The following TRERF1 variants were observed in gnomAD, a reference collection of about 807,000 sequenced individuals.
TRERF1 encodes transcriptional regulating factor 1, also known as transcriptional-regulating factor 1.
In TRERF1, 27 loss-of-function variants were observed where a neutral mutation model predicts 122.9. That is an observed-to-expected ratio of 0.22 (90% CI 0.16 to 0.30). The LOEUF (loss-of-function observed/expected upper bound fraction) is 0.30, where lower values mean the gene tolerates loss of function less well. Among genes scored for constraint, TRERF1 ranks in the 10% least tolerant of loss-of-function variants. The pLI, the probability that TRERF1 is intolerant of heterozygous loss-of-function variation, is 1.00. For missense variants in TRERF1, 1,248 were observed against 1,560.3 expected, an observed-to-expected ratio of 0.80 and a Z score of 3.37; for synonymous variants, 636 against 641.7, an observed-to-expected ratio of 0.99 and a Z score of 0.13.
chr6:42,333,436 G>A (rs547267641), intron 3 of TRERF1, among the ~76,000 whole-genome samples: 36 of 152,278 alleles, frequency 2.4e-4, no homozygotes, highest in African/African-American at 7.2e-4. Flanking sequence ...CAAAGGACCC[G>A]GAACGTTGTC....
chr6:42,318,217 C>T (rs1266714026), intron 3 of TRERF1, among the ~76,000 whole-genome samples: 5 of 151,884 alleles, frequency 3.3e-5, no homozygotes, highest in Non-Finnish European at 2.9e-5. Flanking sequence ...TCCACTCTAA[C>T]GCTACAAGAA....
At chr6:42,363,509 T>C (rs972592271) in intron 2 of TRERF1, among the ~76,000 whole-genome samples, 1 of 152,022 alleles carries the variant, frequency 6.6e-6, no homozygotes, top group African/African-American at 2.4e-5. Context: ...GTCCCACTCC[T>C]CCCCTCACCT....
At chr6:42,428,144 C>G (rs539593192) in intron 2 of TRERF1, among the ~76,000 whole-genome samples, 1 of 152,190 alleles carries the variant, frequency 6.6e-6, no homozygotes, top group South Asian at 2.1e-4. Context: ...GCCTTATATT[C>G]TAAGCAACTA....
chr6:42,301,250 G>C (rs981712920), intron 3 of TRERF1, among the ~76,000 whole-genome samples: 1 of 151,940 alleles, frequency 6.6e-6, no homozygotes, highest in Non-Finnish European at 1.5e-5. Flanking sequence ...TTTTTTCTGA[G>C]ACAGAGTCTC....
chr6:42,425,170 G>A (rs781701687), intron 2 of TRERF1, among the ~76,000 whole-genome samples: 4 of 152,142 alleles, frequency 2.6e-5, no homozygotes, highest in Admixed American at 6.5e-5. Context: ...GAACTGGAGC[G>A]ATTAGCCATG....
intron 3 of TRERF1, among the ~76,000 whole-genome samples, chr6:42,333,863 C>T (rs1765659267): frequency 6.6e-6 from 1 of 152,160 alleles, no homozygotes; most frequent in African/African-American, 2.4e-5. Context: ...CCAACGGCCA[C>T]ATCCGACCAC....
intron 15 of TRERF1, among the ~76,000 whole-genome samples, chr6:42,241,134 T>A (rs2149576162): frequency 6.6e-6 from 1 of 152,310 alleles, no homozygotes. Flanking sequence ...TCCACCTACC[T>A]TGGCCTCCCA....
At chr6:42,441,679 A>G (rs1012947153) in intron 2 of TRERF1, among the ~76,000 whole-genome samples, 3 of 152,164 alleles carry the variant, frequency 2.0e-5, no homozygotes, top group Non-Finnish European at 4.4e-5. Flanking sequence ...AAAAAAAGAA[A>G]AGAAAAACCC....
At chr6:42,303,074 G>A (rs942127352) in intron 3 of TRERF1, among the ~76,000 whole-genome samples, 3 of 152,202 alleles carry the variant, frequency 2.0e-5, no homozygotes, top group African/African-American at 7.2e-5. Flanking sequence ...TTATTGGCTG[G>A]AGTTAAGGGA....
At chr6:42,382,506 G>A (rs1478753067) in intron 2 of TRERF1, among the ~76,000 whole-genome samples, 1 of 151,090 alleles carries the variant, frequency 6.6e-6, no homozygotes, top group Non-Finnish European at 1.5e-5. Flanking sequence ...TGAAAAGTTA[G>A]GACACAGGGT....
intron 16 of TRERF1, among the ~76,000 whole-genome samples, chr6:42,234,867 T>C (rs16895432): frequency 0.043 from 6,601 of 152,262 alleles, 496 homozygotes; most frequent in African/African-American, 0.15. Context: ...TTCCATTTGG[T>C]ACACAACTTA....
chr6:42,347,245 A>G (rs1412424438), intron 3 of TRERF1, among the ~76,000 whole-genome samples: 1 of 152,068 alleles, frequency 6.6e-6, no homozygotes, highest in Admixed American at 6.5e-5. Context: ...GTTCCCACCC[A>G]CCTCTCCCAA....
intron 2 of TRERF1, among the ~76,000 whole-genome samples, chr6:42,444,096 A>G (rs1787033175): frequency 6.8e-6 from 1 of 146,172 alleles, no homozygotes; most frequent in South Asian, 2.2e-4. Flanking sequence ...TCCCATGCAG[A>G]CCCCATGGCT....
intron 15 of TRERF1, among the ~76,000 whole-genome samples, chr6:42,241,597 GA>G (rs1431824153): frequency 6.6e-6 from 1 of 152,036 alleles, no homozygotes; most frequent in Non-Finnish European, 1.5e-5. Flanking sequence ...GAGTAGCTGG[GA>G]TTACAGGTGT....
intron 4 of TRERF1, among the ~76,000 whole-genome samples, chr6:42,288,895 A>T (rs1196487474): frequency 3.3e-5 from 5 of 151,774 alleles, no homozygotes; most frequent in Admixed American, 6.6e-5. Context: ...GAGGCTAAGG[A>T]TCCTCATCTT....
At chr6:42,303,308 A>G (rs1786546221) in intron 3 of TRERF1, among the ~76,000 whole-genome samples, 2 of 152,216 alleles carry the variant, frequency 1.3e-5, no homozygotes, top group African/African-American at 4.8e-5. Context: ...CCCTAAAGAA[A>G]CATAGCTAAT....
chr6:42,264,988 G>A, intron 6 of TRERF1, 134 bp from the exon 7 acceptor site: 1 of 962,600 alleles, frequency 1.0e-6, no homozygotes, highest in South Asian at 1.6e-5. Context: ...GGCACCACTT[G>A]TATCACCCCA....
chr6:42,269,684 G>T lies in TRERF1; in HGVS notation c.-94C>A, dbSNP rs908804125. 10 of 1,488,740 alleles carry T rather than the reference G, an allele frequency of 6.7e-6. No homozygotes were observed. The highest frequency in any genetic ancestry group is 1.4e-5 in the South Asian group (1 of 73,654). 92.2% of individuals were successfully genotyped at this position (1,488,740 alleles called of 1,614,324 possible). On this transcript the variant is annotated 5_prime_UTR_variant, in exon 5 of 18. Coordinates refer to ENST00000372922, the Ensembl canonical transcript of TRERF1. The surrounding 1 kb of genome is among the most constrained non-coding windows in gnomAD (Gnocchi z 4.9). ...GGACTGAAACCCTGAGAAGCTGAGA[G>T]AAAAGTGTCAGCACTACTCCACGGC...
intron 2 of TRERF1, among the ~76,000 whole-genome samples, chr6:42,444,107 G>A (rs1243830384): frequency 6.6e-6 from 1 of 151,140 alleles, no homozygotes; most frequent in African/African-American, 2.4e-5. Flanking sequence ...CCCCATGGCT[G>A]GGAACCACCG....
Sources: gnomAD v4.1 joint callset for allele counts (sites outside exome capture counted in the v4.1 genomes callset) on GRCh38, gnomAD v4.1.1 for gene constraint, Gnocchi (gnomAD v3.1) non-coding constraint, MANE v1.5 for transcripts, NCBI Gene and HGNC (gene_info 2026-07-23, HGNC 2026-07-21) for gene names.